The following TRAF3 variants were observed in gnomAD, a reference collection of about 807,000 sequenced individuals.
The protein encoded by TRAF3 is TNF receptor associated factor 3.
Under a neutral mutation model 62.3 loss-of-function variants are expected in TRAF3, and 13 were observed. That is an observed-to-expected ratio of 0.21 (90% CI 0.14 to 0.33). The LOEUF (loss-of-function observed/expected upper bound fraction) is 0.33. TRAF3 is among the 10% of genes least tolerant of loss of function. The pLI, the probability that TRAF3 is intolerant of heterozygous loss-of-function variation, is 1.00. For synonymous variants in TRAF3, 269 were observed against 283.4 expected, an observed-to-expected ratio of 0.95 and a Z score of 0.51; for missense variants, 440 against 741.8, an observed-to-expected ratio of 0.59 and a Z score of 4.73.
intron 1 of TRAF3, among the ~76,000 whole-genome samples, chr14:102,821,934 C>G (rs1251836560): frequency 6.6e-6 from 1 of 152,032 alleles, no homozygotes; most frequent in Non-Finnish European, 1.5e-5. Flanking sequence ...CCTAGCTATT[C>G]GAGAGGCTGA....
chr14:102,869,965 GA>G (rs1888237280), intron 2 of TRAF3, among the ~76,000 whole-genome samples: 1 of 151,894 alleles, frequency 6.6e-6, no homozygotes, highest in Non-Finnish European at 1.5e-5. Flanking sequence ...GAAGTTTTTT[GA>G]ATAATAATAT....
chr14:102,792,641 A>G (rs1286591941), intron 1 of TRAF3, among the ~76,000 whole-genome samples: 1 of 150,630 alleles, frequency 6.6e-6, no homozygotes, highest in Non-Finnish European at 1.5e-5. Context: ...TTCTGAGATG[A>G]TCATATTTTT....
chr14:102,783,945 G>A (rs1390659618), intron 1 of TRAF3, among the ~76,000 whole-genome samples: 1 of 152,184 alleles, frequency 6.6e-6, no homozygotes, highest in African/African-American at 2.4e-5. Flanking sequence ...TTGTGCAAAT[G>A]TTAATTTTCA....
At chr14:102,860,429 A>G (rs557562801) in intron 2 of TRAF3, among the ~76,000 whole-genome samples, 3 of 152,300 alleles carry the variant, frequency 2.0e-5, no homozygotes, top group Admixed American at 2.0e-4. Context: ...TGTTTTTCCT[A>G]AGAAGTCCCA....
At position 102,876,535 on chromosome 14, in the gene TRAF3, C is replaced by T. The variant is rs901106320; in HGVS notation, c.570+10C>T. On this transcript the variant is annotated intron_variant, in intron 6 of 11. Transcript: ENST00000392745. ...GATGATCGCGCTGCAGGTGCGGGTC[C>T]TCCCATTCCACAGGCCTTCCACTCA... The T allele has an allele frequency of 1.2e-6, 2 of 1,612,346 alleles. No homozygotes were observed. Among genetic ancestry groups the T allele is most frequent in the African/African-American group, 2.7e-5 (2 of 74,870 alleles).
intron 2 of TRAF3, among the ~76,000 whole-genome samples, chr14:102,852,416 G>A (rs977801743): frequency 6.6e-4 from 100 of 152,320 alleles, no homozygotes; most frequent in African/African-American, 2.3e-3. Context: ...AGACATGACC[G>A]ACTCCAGTGC....
At chr14:102,901,664 A>T (rs1427215269) in intron 10 of TRAF3, among the ~76,000 whole-genome samples, 1 of 152,242 alleles carries the variant, frequency 6.6e-6, no homozygotes, top group African/African-American at 2.4e-5. Context: ...TTCTTTAGAG[A>T]AATTATCCTT....
chr14:102,900,536 C>T (rs1890241947), intron 10 of TRAF3, among the ~76,000 whole-genome samples: 1 of 152,214 alleles, frequency 6.6e-6, no homozygotes, highest in Non-Finnish European at 1.5e-5. Context: ...GCGAGCATGA[C>T]CCAGGCTTCT....
chr14:102,902,230 C>T (rs1295417128), intron 10 of TRAF3, among the ~76,000 whole-genome samples: 3 of 152,248 alleles, frequency 2.0e-5, no homozygotes, highest in South Asian at 4.1e-4. Flanking sequence ...CTGCCTCCCT[C>T]GCTGGGGCCT....
chr14:102,791,365 T>C (rs947931256), intron 1 of TRAF3, among the ~76,000 whole-genome samples: 4 of 152,334 alleles, frequency 2.6e-5, no homozygotes, highest in African/African-American at 7.2e-5. Flanking sequence ...TTAATTTCTT[T>C]AAGCAATATT....
intron 1 of TRAF3, among the ~76,000 whole-genome samples, chr14:102,789,769 G>A (rs940000167): frequency 2.0e-5 from 3 of 151,720 alleles, no homozygotes; most frequent in Admixed American, 1.3e-4. Flanking sequence ...ATTTTTGGAG[G>A]GAAGACAATG....
rs118133788 is a variant in TRAF3, at chr14:102,885,377, C to T, written c.571-812C>T. ...AGGCATCCTGTGGCCACTGGGAAAC[C>T]GCTGCCACAGTCTTCTGCTCAGCAG... On this transcript the variant is annotated intron_variant, in intron 6 of 11. Coordinates refer to ENST00000392745, the MANE Select transcript of TRAF3 (RefSeq NM_145725.3). Among the ~76,000 whole-genome samples, 94 of 152,246 alleles carry T rather than the reference C, an allele frequency of 6.2e-4. No individual in the cohort carries two copies. The East Asian group carries it at 0.012, about 20-fold the overall frequency.
At chr14:102,883,184 C>T (rs551124898) in intron 6 of TRAF3, among the ~76,000 whole-genome samples, 15 of 152,240 alleles carry the variant, frequency 9.9e-5, no homozygotes, top group African/African-American at 3.4e-4. Context: ...GCCGGAGCAC[C>T]CATCAGCAGG....
rs768132939 is a variant in TRAF3, at chr14:102,845,209, G to GT, written c.-18+14748dup. The stretch of plus-strand genomic sequence containing the variant: ...CCATGCCCGGCCCTAAAAATTTTTT[G>GT]TTTTTTTTTTTGAGATGGAGTCTCA... On this transcript the variant is annotated intron_variant, in intron 2 of 11. Coordinates refer to ENST00000392745, the MANE Select transcript of TRAF3 (RefSeq NM_145725.3). Among the ~76,000 whole-genome samples, 513 of 130,310 alleles carry GT rather than the reference G, an allele frequency of 3.9e-3. 3 individuals are homozygous for GT. The highest frequency in any genetic ancestry group is 0.026 in the Middle Eastern group (6 of 232). The allele number at this position is 130,310 out of a possible 152,430, so 85.5% of individuals were successfully genotyped here. A position where few individuals can be genotyped will look rare whatever the true frequency, so the allele number is the denominator to read the frequency against.
chr14:102,799,172 G>T (rs970219838), intron 1 of TRAF3, among the ~76,000 whole-genome samples: 1 of 152,138 alleles, frequency 6.6e-6, no homozygotes, highest in Non-Finnish European at 1.5e-5. Context: ...GGTGGCATTG[G>T]GGGGAGATTA....
Position 102,826,723 on chromosome 14 carries a change from C to A in TRAF3, c.-156-3611C>A, listed in dbSNP as rs1900334732. Among the ~76,000 whole-genome samples, 1 of 152,182 alleles carries A rather than the reference C, an allele frequency of 6.6e-6. No individual in the cohort carries two copies. The highest frequency in any genetic ancestry group is 2.4e-5 in the African/African-American group (1 of 41,442). The stretch of plus-strand genomic sequence containing the variant: ...TGCAGTCCTTCACCTCACACCTGTT[C>A]AGGGTCCGGCTGGGCTCTGGACATA... On this transcript the variant is annotated intron_variant, in intron 1 of 11. Transcript: ENST00000392745. The surrounding 1 kb of genome is among the most constrained non-coding windows in gnomAD (Gnocchi z 4.6).
intron 1 of TRAF3, among the ~76,000 whole-genome samples, chr14:102,790,248 C>T (rs116302846): frequency 1.6e-4 from 24 of 152,236 alleles, no homozygotes; most frequent in African/African-American, 5.5e-4. Flanking sequence ...ATTTAGTTTT[C>T]CCAGCACCAT....
In TRAF3 at chr14:102,804,672, C is replaced by T. The variant is rs2403101; in HGVS notation, c.-156-25662C>T. ...TGGATAATTTTTGTATTTTTTGTAGCGACAGGGTTTTGCTATATCGCCCAG... is the reference window on the plus strand; with the variant it reads ...TGGATAATTTTTGTATTTTTTGTAGTGACAGGGTTTTGCTATATCGCCCAG... On this transcript the variant is annotated intron_variant, in intron 1 of 11. Transcript: ENST00000392745. Among the ~76,000 whole-genome samples, 1,102 of 151,938 alleles carry T rather than the reference C, an allele frequency of 7.3e-3. 22 individuals are homozygous for T. The highest frequency in any genetic ancestry group is 0.025 in the African/African-American group (1,016 of 41,430).
At chr14:102,894,124 C>A (rs527983394) in intron 9 of TRAF3, among the ~76,000 whole-genome samples, 1 of 152,006 alleles carries the variant, frequency 6.6e-6, no homozygotes, top group Admixed American at 6.6e-5. Flanking sequence ...CTCGGGAGTT[C>A]GAGACCAGCC....
Sources: allele counts gnomAD v4.1 joint callset (sites outside exome capture counted in the v4.1 genomes callset), GRCh38; gene constraint gnomAD v4.1.1; non-coding constraint Gnocchi (gnomAD v3.1); transcripts MANE v1.5; gene names NCBI Gene and HGNC (gene_info 2026-07-23, HGNC 2026-07-21).